The following DSCAM variants were observed in gnomAD, a reference collection of about 807,000 sequenced individuals.
The protein encoded by DSCAM is DS cell adhesion molecule.
Under a neutral mutation model 217.7 loss-of-function variants are expected in DSCAM, and 47 were observed. The observed-to-expected ratio is 0.22, with a 90% CI of 0.17 to 0.28. The LOEUF (loss-of-function observed/expected upper bound fraction) is 0.28. Among genes scored for constraint, DSCAM ranks in the 10% least tolerant of loss-of-function variants. DSCAM has a pLI of 1.00. For synonymous variants in DSCAM, 1,056 were observed against 1,015.3 expected, an observed-to-expected ratio of 1.04 and a Z score of -0.76; for missense variants, 2,080 against 2,618.3, an observed-to-expected ratio of 0.79 and a Z score of 4.49.
chr21:40,505,050 G>A (rs2076199389), intron 3 of DSCAM, among the ~76,000 whole-genome samples: 1 of 152,170 alleles, frequency 6.6e-6, no homozygotes, highest in African/African-American at 2.4e-5. Flanking sequence ...GAAGGTAAGA[G>A]CCTATCAATG....
Position 40,266,797 on chromosome 21 carries a change from T to C in DSCAM, c.2356+9300A>G, listed in dbSNP as rs1333537182. Among the ~76,000 whole-genome samples, 10 of 134,330 alleles carry C rather than the reference T, an allele frequency of 7.4e-5. No homozygotes were observed. The South Asian group carries it at 1.6e-3, about 22-fold the overall frequency. 88.1% of individuals were successfully genotyped at this position (134,330 alleles called of 152,430 possible). A position where few individuals can be genotyped will look rare whatever the true frequency, so the allele number is the denominator to read the frequency against. On this transcript the variant is annotated intron_variant, in intron 11 of 32. Transcript: ENST00000400454. ...ACATGCATATATATATATATATATATATACACACACACACACCCCCACACA... is the reference window on the plus strand; with the variant it reads ...ACATGCATATATATATATATATATACATACACACACACACACCCCCACACA...
chr21:40,489,417 C>A (rs2076056263), intron 3 of DSCAM, among the ~76,000 whole-genome samples: 1 of 152,166 alleles, frequency 6.6e-6, no homozygotes, highest in Non-Finnish European at 1.5e-5. Context: ...GCCCACCCTG[C>A]AGATTCTGGA....
chr21:40,539,279 C>T (rs901942759), intron 3 of DSCAM, among the ~76,000 whole-genome samples: 1 of 151,906 alleles, frequency 6.6e-6, no homozygotes, highest in Non-Finnish European at 1.5e-5. Context: ...CTGAGGCGGG[C>T]GGATCACGAG....
At chr21:40,605,196 T>C (rs1250405628) in intron 3 of DSCAM, among the ~76,000 whole-genome samples, 3 of 152,190 alleles carry the variant, frequency 2.0e-5, no homozygotes, top group Non-Finnish European at 2.9e-5. Context: ...CAGCAATTCA[T>C]TGAACTTACC....
chr21:40,845,588 G>A (rs899200000), intron 1 of DSCAM, among the ~76,000 whole-genome samples: 3 of 104,888 alleles, frequency 2.9e-5, no homozygotes, highest in Non-Finnish European at 4.0e-5. Context: ...TGTCTGTCTC[G>A]CTCTCTCTCC....
intron 8 of DSCAM, among the ~76,000 whole-genome samples, chr21:40,318,555 CTCGCG>C (rs1488561663): frequency 6.6e-6 from 1 of 152,138 alleles, no homozygotes; most frequent in Non-Finnish European, 1.5e-5. Context: ...AGGTACGGTC[CTCGCG>C]CCAACTCTGA....
At chr21:40,473,156 A>G (rs2145971845) in intron 3 of DSCAM, among the ~76,000 whole-genome samples, 1 of 152,368 alleles carries the variant, frequency 6.6e-6, no homozygotes, top group Admixed American at 6.5e-5. Flanking sequence ...AAGAATTGCC[A>G]GCTACGGCTA....
intron 3 of DSCAM, among the ~76,000 whole-genome samples, chr21:40,478,897 T>C (rs989462951): frequency 6.6e-6 from 1 of 152,214 alleles, no homozygotes; most frequent in African/African-American, 2.4e-5. Context: ...CAATAAATAA[T>C]AATAAAATAG....
rs1396035764 is a variant in DSCAM at position 40,758,518 on chromosome 21, A to AAG, written c.44-49748_44-49747insCT. On this transcript the variant is annotated intron_variant, in intron 1 of 32. Transcript: ENST00000400454. Reference sequence around the variant, plus strand: ...GGCGACAGAGCAAGACTCTGTCTCAAAAAAAAAAAAAAAAAGACCTAAAAC... The same window carrying AAG: ...GGCGACAGAGCAAGACTCTGTCTCAAAGAAAAAAAAAAAAAAAGACCTAAAAC... Among the ~76,000 whole-genome samples the AAG allele has an allele frequency of 2.0e-5, 3 of 149,836 alleles. No individual in the cohort carries two copies. The South Asian group carries it at 6.3e-4, about 31-fold the overall frequency.
At chr21:40,167,342 G>C in intron 15 of DSCAM, 54 bp from the exon 16 acceptor site, 3 of 1,545,854 alleles carry the variant, frequency 1.9e-6, no homozygotes, top group South Asian at 1.1e-5. Flanking sequence ...GGAGCAGATC[G>C]AAGCCTACAC....
rs185933752 is a variant in DSCAM, at chr21:40,676,902, G to A, written c.508+15908C>T. Among the ~76,000 whole-genome samples, 7 of 152,110 alleles carry A rather than the reference G, an allele frequency of 4.6e-5. No individual in the cohort carries two copies. The East Asian group carries it at 7.7e-4, about 17-fold the overall frequency. ...AACGAGTCACGTGCATCCGGGCCTC[G>A]TGCTCCCTGGCTCTCCACCGAGGGA... On this transcript the variant is annotated intron_variant, in intron 3 of 32. Transcript: ENST00000400454.
chr21:40,485,888 T>C (rs1236415775), intron 3 of DSCAM, among the ~76,000 whole-genome samples: 1 of 152,208 alleles, frequency 6.6e-6, no homozygotes, highest in Non-Finnish European at 1.5e-5. Context: ...AATTTACCTT[T>C]TGACTACCAA....
chr21:40,560,109 A>G (rs1056381788), intron 3 of DSCAM, among the ~76,000 whole-genome samples: 10 of 152,096 alleles, frequency 6.6e-5, no homozygotes, highest in Non-Finnish European at 1.3e-4. Context: ...CTGTCTTTTG[A>G]ACTAAACACT....
intron 3 of DSCAM, among the ~76,000 whole-genome samples, chr21:40,559,948 C>A (rs909670117): frequency 1.3e-5 from 2 of 151,816 alleles, no homozygotes; most frequent in Non-Finnish European, 2.9e-5. Flanking sequence ...GCCCAACTAC[C>A]ATGCCCGGCT....
At chr21:40,071,344 T>G (rs2089290455) in intron 27 of DSCAM, among the ~76,000 whole-genome samples, 1 of 152,198 alleles carries the variant, frequency 6.6e-6, no homozygotes, top group Non-Finnish European at 1.5e-5. Context: ...GCTCTAAAAT[T>G]AGTAAAGTAC....
In DSCAM at chr21:40,490,147, T is replaced by G. The variant is rs569832193; in HGVS notation, c.509-120902A>C. On this transcript the variant is annotated intron_variant, in intron 3 of 32. Coordinates refer to ENST00000400454, the MANE Select transcript of DSCAM (RefSeq NM_001389.5). ...ATAAAACCATCAGATTTCCTGAGAC[T>G]TATTCATTATCATGAGAACAGCCCA... Among the ~76,000 whole-genome samples the G allele has an allele frequency of 5.3e-5, 8 of 152,260 alleles. No homozygotes were observed. The South Asian group carries it at 1.5e-3, about 28-fold the overall frequency.
rs371896596 is a variant in DSCAM, at chr21:40,475,414, GC to G, written c.509-106170del. 9.8e-5 allele frequency among the ~76,000 whole-genome samples: 15 copies of G among 152,310 alleles called. 1 individual carries two copies. The East Asian group carries it at 1.7e-3, about 18-fold the overall frequency. On this transcript the variant is annotated intron_variant, in intron 3 of 32. Coordinates refer to ENST00000400454, the MANE Select transcript of DSCAM (RefSeq NM_001389.5). Reference sequence around the variant, plus strand: ...AGGCTTCTCCTAGAACTGGACTGGGGCCCCCTTCGTCATGATTGTAGATTAG... The same window carrying G: ...AGGCTTCTCCTAGAACTGGACTGGGGCCCCTTCGTCATGATTGTAGATTAG...
intron 3 of DSCAM, among the ~76,000 whole-genome samples, chr21:40,462,371 T>C (rs2075812868): frequency 6.6e-6 from 1 of 152,214 alleles, no homozygotes; most frequent in Non-Finnish European, 1.5e-5. Context: ...CTTAGAGCCA[T>C]GGCTAACACT....
At chr21:40,746,962 AAC>A (rs2146553142) in intron 1 of DSCAM, among the ~76,000 whole-genome samples, 1 of 152,062 alleles carries the variant, frequency 6.6e-6, no homozygotes, top group Admixed American at 6.5e-5. Context: ...GCTCCTGAGC[AAC>A]AGAGGAGTTA....
Sources: gnomAD v4.1 joint callset for allele counts (sites outside exome capture counted in the v4.1 genomes callset) on GRCh38, gnomAD v4.1.1 for gene constraint, MANE v1.5 for transcripts, NCBI Gene and HGNC (gene_info 2026-07-23, HGNC 2026-07-21) for gene names.